Variants in BABAM2 observed in about 807,000 individuals in gnomAD.
The protein encoded by BABAM2 is BRISC and BRCA1 A complex member 2, also known as BRISC and BRCA1-A complex member 2.
BABAM2 carries 31 observed loss-of-function variants against 54.7 expected under a neutral mutation model. The observed-to-expected ratio is 0.57, with a 90% CI of 0.43 to 0.77. The LOEUF (loss-of-function observed/expected upper bound fraction) is 0.77, where lower values mean the gene tolerates loss of function less well. Among genes scored for constraint, BABAM2 ranks in the 30% least tolerant of loss-of-function variants. BABAM2 has a pLI of 0.00. For synonymous variants in BABAM2, 167 were observed against 162.9 expected (o/e 1.03, Z -0.19); for missense variants, 364 against 455.8 (o/e 0.80, Z 1.83).
intron 7 of BABAM2, among the ~76,000 whole-genome samples, chr2:28,223,190 A>G (rs565337597): frequency 2.0e-5 from 3 of 152,344 alleles, no homozygotes; most frequent in South Asian, 4.1e-4. Context: ...AATGATAGCA[A>G]TCTACTGAAT....
chr2:28,321,379 T>C (rs1690008059), intron 11 of BABAM2, among the ~76,000 whole-genome samples: 1 of 152,206 alleles, frequency 6.6e-6, no homozygotes, highest in Admixed American at 6.5e-5. Context: ...GTGTTCCTCT[T>C]GCCACAGAAT....
chr2:28,315,282 T>C (rs1422066476), intron 11 of BABAM2, among the ~76,000 whole-genome samples: 1 of 152,190 alleles, frequency 6.6e-6, no homozygotes, highest in Non-Finnish European at 1.5e-5. Context: ...GGGCCTTGGC[T>C]TTCTCACAGA....
At chr2:27,962,149 A>G (rs1670518609) in intron 3 of BABAM2, among the ~76,000 whole-genome samples, 1 of 152,158 alleles carries the variant, frequency 6.6e-6, no homozygotes, top group Admixed American at 6.6e-5. Context: ...ACTCTGTGTC[A>G]CCCAGGCTGG....
At chr2:28,190,601 C>T (rs1676792965) in intron 7 of BABAM2, among the ~76,000 whole-genome samples, 1 of 152,142 alleles carries the variant, frequency 6.6e-6, no homozygotes. Context: ...GCAGGAGGAT[C>T]ACTTGAACTC....
intron 7 of BABAM2, among the ~76,000 whole-genome samples, chr2:28,173,893 A>G (rs1674636186): frequency 6.6e-6 from 1 of 152,252 alleles, no homozygotes; most frequent in Admixed American, 6.5e-5. Flanking sequence ...GATATAATCC[A>G]TGAGAAAACA....
chr2:28,069,514 GCC>G (rs1207175337), intron 6 of BABAM2, among the ~76,000 whole-genome samples: 1 of 152,132 alleles, frequency 6.6e-6, no homozygotes, highest in East Asian at 1.9e-4. Flanking sequence ...TTTCAGATAG[GCC>G]TTCTTTCTAG....
At chr2:28,026,312 G>A (rs903898958) in intron 5 of BABAM2, among the ~76,000 whole-genome samples, 1 of 152,080 alleles carries the variant, frequency 6.6e-6, no homozygotes, top group Non-Finnish European at 1.5e-5. Context: ...GTTCACAATA[G>A]CAAAGACTTG....
At chr2:27,898,333 C>G (rs1026309710) in intron 2 of BABAM2, among the ~76,000 whole-genome samples, 1 of 152,110 alleles carries the variant, frequency 6.6e-6, no homozygotes, top group Non-Finnish European at 1.5e-5. Context: ...CTGCTAGGAA[C>G]AAACACATTA....
intron 3 of BABAM2, among the ~76,000 whole-genome samples, chr2:27,957,421 T>C (rs1670166433): frequency 6.6e-6 from 1 of 152,206 alleles, no homozygotes. Flanking sequence ...ATTGCCTTGA[T>C]AGCCTGTCCT....
At chr2:28,209,848 A>G (rs1464256426) in intron 7 of BABAM2, among the ~76,000 whole-genome samples, 1 of 152,204 alleles carries the variant, frequency 6.6e-6, no homozygotes, top group Non-Finnish European at 1.5e-5. Flanking sequence ...TCCTTTTTGG[A>G]AATAAAATTA....
At chr2:28,131,067 A>ATTT (rs1375422651) in intron 7 of BABAM2, among the ~76,000 whole-genome samples, 1 of 1,672 alleles carries the variant, frequency 6.0e-4, no homozygotes, top group East Asian at 0.01. Context: ...TATTATTATT[A>ATTT]TTATTATTAT....
chr2:27,894,123 A>G (rs1253850470), intron 1 of BABAM2, among the ~76,000 whole-genome samples: 1 of 151,720 alleles, frequency 6.6e-6, no homozygotes, highest in Admixed American at 6.6e-5. Context: ...CCTTGTGGGG[A>G]CACACAGGGA....
At chr2:27,894,796 G>A in intron 2 of BABAM2, 112 bp downstream of exon 2, 1 of 1,242,470 alleles carries the variant, frequency 8.0e-7, no homozygotes, top group Non-Finnish European at 1.1e-6. Context: ...AACCCACCAA[G>A]TCATCATCTC....
chr2:28,117,547 T>C (rs1450942098), intron 6 of BABAM2, among the ~76,000 whole-genome samples: 1 of 152,196 alleles, frequency 6.6e-6, no homozygotes, highest in Non-Finnish European at 1.5e-5. Flanking sequence ...GGATGCTGCC[T>C]GGACTCTCTC....
chr2:28,047,108 T>C (rs983560945), intron 6 of BABAM2, among the ~76,000 whole-genome samples: 2 of 152,240 alleles, frequency 1.3e-5, no homozygotes, highest in Non-Finnish European at 2.9e-5. Context: ...CATTAAACTT[T>C]CGTTTTTAGT....
chr2:28,223,447 A>G (rs762652889), intron 7 of BABAM2, among the ~76,000 whole-genome samples: 2 of 152,180 alleles, frequency 1.3e-5, no homozygotes, highest in Non-Finnish European at 2.9e-5. Context: ...CATCAGCAGA[A>G]TGGGGAGGAG....
chr2:27,915,328 C>T (rs1211634303), intron 2 of BABAM2, among the ~76,000 whole-genome samples: 1 of 152,166 alleles, frequency 6.6e-6, no homozygotes, highest in Non-Finnish European at 1.5e-5. Context: ...CTCGTGACAG[C>T]AAGTGCTCTC....
intron 3 of BABAM2, among the ~76,000 whole-genome samples, chr2:27,955,910 T>A (rs1198930772): frequency 6.6e-6 from 1 of 152,194 alleles, no homozygotes; most frequent in Admixed American, 6.5e-5. Flanking sequence ...GGGTGACCTA[T>A]GTTGTGAGAT....
At chr2:28,263,337 A>C (rs1684702676) in intron 10 of BABAM2, among the ~76,000 whole-genome samples, 1 of 152,162 alleles carries the variant, frequency 6.6e-6, no homozygotes. Context: ...TATTATCCCC[A>C]TTTTACAAAA....
Sources: gnomAD v4.1 joint callset for allele counts (sites outside exome capture counted in the v4.1 genomes callset) on GRCh38, gnomAD v4.1.1 for gene constraint, MANE v1.5 for transcripts, NCBI Gene and HGNC (gene_info 2026-07-23, HGNC 2026-07-21) for gene names.